The following DBX2 variants were observed in gnomAD, a reference collection of about 807,000 sequenced individuals.
DBX2 encodes homeobox protein DBX2.
In DBX2, 16 loss-of-function variants were observed where a neutral mutation model predicts 17.7. The ratio of observed to expected loss-of-function variants is 0.90; its 90% confidence interval spans 0.61 to 1.37. The LOEUF (loss-of-function observed/expected upper bound fraction) is 1.37. Among genes scored for constraint, DBX2 ranks in the 40% most tolerant of loss-of-function variants. DBX2 has a pLI of 0.00. For missense variants in DBX2, 538 were observed against 433.8 expected, an observed-to-expected ratio of 1.24 and a Z score of -2.13; for synonymous variants, 255 against 183.8, an observed-to-expected ratio of 1.39 and a Z score of -3.13.
chr12:45,042,560 G>A (rs932161593), intron 1 of DBX2, among the ~76,000 whole-genome samples: 2 of 152,192 alleles, frequency 1.3e-5, no homozygotes, highest in African/African-American at 4.8e-5. Context: ...GGCTAGAAGA[G>A]TTAAATGCAG....
chr12:45,031,863 C>T (rs535186474), intron 2 of DBX2, among the ~76,000 whole-genome samples: 51 of 152,210 alleles, frequency 3.4e-4, no homozygotes, highest in African/African-American at 1.2e-3. Context: ...AGTCATTCTC[C>T]CCCTCCCCTA....
chr12:45,035,213 T>C (rs979395448), intron 2 of DBX2, among the ~76,000 whole-genome samples: 1 of 152,232 alleles, frequency 6.6e-6, no homozygotes, highest in African/African-American at 2.4e-5. Context: ...AACTCTTAAT[T>C]TCACTTTTCA....
chr12:45,032,609 C>G (rs145066461), intron 2 of DBX2, among the ~76,000 whole-genome samples: 4 of 152,072 alleles, frequency 2.6e-5, no homozygotes, highest in African/African-American at 9.7e-5. Context: ...GAGTGTATTA[C>G]GTTTTTTTAA....
At position 45,022,915 on chromosome 12, in the gene DBX2, C is replaced by G. The variant is rs530793809; in HGVS notation, c.687+792G>C. Among the ~76,000 whole-genome samples the G allele has an allele frequency of 2.0e-5, 3 of 152,224 alleles. No homozygotes were observed. In the South Asian group the frequency reaches 6.2e-4, roughly 32 times the overall value. On this transcript the variant is annotated intron_variant, in intron 3 of 3. Coordinates refer to ENST00000332700, the MANE Select transcript of DBX2 (RefSeq NM_001004329.3). ...AGAGTTAAGCTGTCTAAGGTGGGAG[C>G]CTACCTCCAAAACCTCTTTACTACA...
At chr12:45,032,138 A>G (rs1007129244) in intron 2 of DBX2, among the ~76,000 whole-genome samples, 1 of 151,970 alleles carries the variant, frequency 6.6e-6, no homozygotes, top group Non-Finnish European at 1.5e-5. Flanking sequence ...TGGAAAATCT[A>G]TTGTCTTTGA....
At chr12:45,025,547 T>C (rs1044904440) in intron 2 of DBX2, among the ~76,000 whole-genome samples, 20 of 151,750 alleles carry the variant, frequency 1.3e-4, no homozygotes, top group African/African-American at 4.8e-4. Context: ...ACTGAGCCAA[T>C]TGCTGAAGAA....
intron 1 of DBX2, among the ~76,000 whole-genome samples, chr12:45,041,301 G>A (rs778554089): frequency 2.0e-5 from 3 of 151,586 alleles, no homozygotes; most frequent in African/African-American, 7.3e-5. Flanking sequence ...TGCCAGGTAC[G>A]TGGCCACTAA....
chr12:45,032,448 A>G (rs898344190), intron 2 of DBX2, among the ~76,000 whole-genome samples: 4 of 152,210 alleles, frequency 2.6e-5, no homozygotes, highest in Non-Finnish European at 4.4e-5. Flanking sequence ...GTAGTAAAAG[A>G]GAACACAGAA....
chr12:45,018,380 G>T (rs1946334222), intron 3 of DBX2, among the ~76,000 whole-genome samples: 1 of 152,130 alleles, frequency 6.6e-6, no homozygotes, highest in Non-Finnish European at 1.5e-5. Flanking sequence ...AATCAATGGT[G>T]TTGAGACAAA....
At chr12:45,048,742 C>T (rs1946513457) in intron 1 of DBX2, among the ~76,000 whole-genome samples, 1 of 151,996 alleles carries the variant, frequency 6.6e-6, no homozygotes, top group East Asian at 1.9e-4. Context: ...GTTTTCTTTA[C>T]AAGAATAATT....
chr12:45,033,886 C>G (rs187305371), intron 2 of DBX2, among the ~76,000 whole-genome samples: 17 of 152,128 alleles, frequency 1.1e-4, no homozygotes, highest in Middle Eastern at 3.4e-3. Context: ...AAGAATTATG[C>G]AAAAGGCACA....
intron 3 of DBX2, among the ~76,000 whole-genome samples, chr12:45,019,797 T>TACA (rs1946342041): frequency 5.3e-5 from 8 of 152,080 alleles, no homozygotes; most frequent in Admixed American, 3.9e-4. Flanking sequence ...CACCAAACAA[T>TACA]ACACATTATC....
Position 45,050,706 on chromosome 12 carries a change from C to T in DBX2, c.222G>A (p.Arg74=), listed in dbSNP as rs1289772027. The change falls in exon 1 of 4, where the codon CGG becomes CGA. Residue 74 remains arginine (R), a synonymous_variant. Transcript: ENST00000332700. The stretch of plus-strand genomic sequence containing the variant: ...GGGGAACTGGGCTAGCAGGCAGGGG[C>T]CGGAGCTGCGCGCCCGCGGTGGCCA... ...TALATAGAQL[R]PLPASPVPLK... is the part of the protein sequence containing the mutation. 4.0e-6 allele frequency: 6 copies of T among 1,505,264 alleles called. No homozygotes were observed. The highest frequency in any genetic ancestry group is 1.3e-5 in the South Asian group (1 of 78,818). The allele number at this position is 1,505,264 out of a possible 1,614,324, so 93.2% of individuals were successfully genotyped here.
chr12:45,026,506 C>CAAAGCTAGGGT (rs1946382305), intron 2 of DBX2, among the ~76,000 whole-genome samples: 1 of 152,120 alleles, frequency 6.6e-6, no homozygotes, highest in African/African-American at 2.4e-5. Flanking sequence ...TTCAAGGTCA[C>CAAAGCTAGGGT]AAAGCTAGGG....
chr12:45,050,411 T>C, intron 1 of DBX2, 114 bp downstream of exon 1: 1 of 1,394,924 alleles, frequency 7.2e-7, no homozygotes, highest in Non-Finnish European at 9.5e-7. Flanking sequence ...CTCCAGGAAG[T>C]TCCCAAACCG....
chr12:45,051,045 G>T lies in DBX2; in HGVS notation c.-118C>A. The T allele has an allele frequency of 1.6e-6, 2 of 1,230,618 alleles. No homozygotes were observed. The highest frequency in any genetic ancestry group is 1.0e-6 in the Non-Finnish European group (1 of 972,772). 76.2% of individuals were successfully genotyped at this position (1,230,618 alleles called of 1,614,324 possible). ...GCCGCCTCCCGCAGGGCTGGAGCGC[G>T]CGGAGCCAGGCAGGGAGGAAAGGCC... On this transcript the variant is annotated 5_prime_UTR_variant, in exon 1 of 4. Transcript: ENST00000332700.
chr12:45,036,744 G>C (rs1946443127), intron 1 of DBX2, among the ~76,000 whole-genome samples: 1 of 152,064 alleles, frequency 6.6e-6, no homozygotes, highest in Non-Finnish European at 1.5e-5. Context: ...TCCAAAGTTG[G>C]TAACAGTAAA....
At chr12:45,045,419 C>T (rs894280525) in intron 1 of DBX2, among the ~76,000 whole-genome samples, 2 of 152,192 alleles carry the variant, frequency 1.3e-5, no homozygotes, top group African/African-American at 4.8e-5. Context: ...TATAAACTTT[C>T]ATAGCAAAGA....
At chr12:45,024,637 A>C (rs1306088941) in intron 2 of DBX2, among the ~76,000 whole-genome samples, 1 of 152,162 alleles carries the variant, frequency 6.6e-6, no homozygotes, top group Non-Finnish European at 1.5e-5. Flanking sequence ...TATATGCCAG[A>C]CACTCTGCTC....
Sources: gnomAD v4.1 joint callset for allele counts (sites outside exome capture counted in the v4.1 genomes callset) on GRCh38, gnomAD v4.1.1 for gene constraint, MANE v1.5 for transcripts, NCBI Gene and HGNC (gene_info 2026-07-23, HGNC 2026-07-21) for gene names.